The following SENP1 variants were observed in gnomAD, a reference collection of about 807,000 sequenced individuals.
SENP1 encodes the protein SUMO specific peptidase 1.
A neutral mutation model predicts 93.0 loss-of-function variants in SENP1; 21 were observed. The observed-to-expected ratio is 0.23, with a 90% CI of 0.16 to 0.33. SENP1 has a LOEUF of 0.33. SENP1 is among the 10% of genes least tolerant of loss of function. The pLI is 1.00. For missense variants in SENP1, 591 were observed against 758.7 expected (o/e 0.78, Z 2.60); for synonymous variants, 256 against 259.6 (o/e 0.99, Z 0.13).
intron 4 of SENP1, among the ~76,000 whole-genome samples, chr12:48,092,643 T>C (rs1203571187): frequency 6.6e-6 from 1 of 152,152 alleles, no homozygotes; most frequent in African/African-American, 2.4e-5. Flanking sequence ...CTATTGTTAT[T>C]CTCTAATCAT....
chr12:48,055,746 CAT>C (rs1057055611), intron 13 of SENP1, among the ~76,000 whole-genome samples: 4 of 147,142 alleles, frequency 2.7e-5, no homozygotes, highest in Admixed American at 1.4e-4. Context: ...GCTAAAATGA[CAT>C]ATTTTGTTAA....
At chr12:48,049,217 T>C (rs1941604439) in intron 13 of SENP1, 85 bp from the exon 14 acceptor site, 2 of 954,822 alleles carry the variant, frequency 2.1e-6, no homozygotes, top group Non-Finnish European at 1.6e-6. Context: ...GAATAGCATA[T>C]GTAATTGTTT....
intron 5 of SENP1, chr12:48,088,483 G>C: frequency 3.2e-6 from 1 of 309,322 alleles, no homozygotes; most frequent in South Asian, 3.9e-5. Flanking sequence ...TTTCTTTCCT[G>C]CTCAAATTGT....
chr12:48,096,243 T>C, intron 4 of SENP1, 100 bp downstream of exon 4: 1 of 633,406 alleles, frequency 1.6e-6, no homozygotes, highest in Non-Finnish European at 2.7e-6. Flanking sequence ...CATCTTGTTT[T>C]TGACAATGTT....
intron 6 of SENP1, among the ~76,000 whole-genome samples, chr12:48,081,714 C>A (rs1258599155): frequency 6.6e-6 from 1 of 151,442 alleles, no homozygotes; most frequent in Admixed American, 6.6e-5. Flanking sequence ...GGAACTACAG[C>A]CACCTGCCAC....
At chr12:48,063,434 G>A (rs559223168) in intron 13 of SENP1, among the ~76,000 whole-genome samples, 1 of 152,242 alleles carries the variant, frequency 6.6e-6, no homozygotes, top group South Asian at 2.1e-4. Flanking sequence ...TAAAGAGTGA[G>A]AATACCAATG....
At chr12:48,070,228 A>C (rs1336039704) in intron 9 of SENP1, among the ~76,000 whole-genome samples, 2 of 152,190 alleles carry the variant, frequency 1.3e-5, no homozygotes, top group African/African-American at 4.8e-5. Flanking sequence ...TTGCAAACTG[A>C]AAATAGTCCA....
intron 4 of SENP1, among the ~76,000 whole-genome samples, chr12:48,090,709 G>A (rs1473901168): frequency 6.6e-6 from 1 of 152,084 alleles, no homozygotes; most frequent in Non-Finnish European, 1.5e-5. Context: ...CAATCTCCTT[G>A]CCTCAGTCTC....
intron 2 of SENP1, among the ~76,000 whole-genome samples, chr12:48,099,328 A>G (rs935331888): frequency 2.7e-5 from 4 of 150,922 alleles, no homozygotes; most frequent in African/African-American, 4.9e-5. Flanking sequence ...ACCCTGTCTC[A>G]GAAAACAACA....
At chr12:48,071,784 T>C in intron 8 of SENP1, 63 bp from the exon 9 acceptor site, 1 of 1,124,436 alleles carries the variant, frequency 8.9e-7, no homozygotes, top group Non-Finnish European at 1.3e-6. Context: ...TTTCTAGATA[T>C]CTTAGTTTAA....
intron 13 of SENP1, among the ~76,000 whole-genome samples, chr12:48,059,552 C>A (rs1205677056): frequency 1.3e-5 from 2 of 152,000 alleles, no homozygotes; most frequent in Non-Finnish European, 2.9e-5. Context: ...TCTGCTAATT[C>A]TATTATTTTG....
intron 9 of SENP1, among the ~76,000 whole-genome samples, chr12:48,068,950 C>G (rs554979880): frequency 2.0e-5 from 3 of 151,758 alleles, no homozygotes; most frequent in Non-Finnish European, 4.4e-5. Flanking sequence ...GTCAGGAGTT[C>G]GAGACCAGCT....
At chr12:48,061,119 GATTTT>G (rs1173398352) in intron 13 of SENP1, among the ~76,000 whole-genome samples, 1 of 152,086 alleles carries the variant, frequency 6.6e-6, no homozygotes, top group East Asian at 1.9e-4. Context: ...AGGATTTCTG[GATTTT>G]ATTTTCCTTA....
intron 6 of SENP1, chr12:48,081,553 AAT>A (rs1402051961): frequency 2.0e-5 from 3 of 148,606 alleles, no homozygotes; most frequent in African/African-American, 7.5e-5. Flanking sequence ...CCTCCACTTG[AAT>A]GTTGGTGTTT....
At chr12:48,068,758 A>T (rs1256473016) in intron 9 of SENP1, among the ~76,000 whole-genome samples, 1 of 152,210 alleles carries the variant, frequency 6.6e-6, no homozygotes, top group Non-Finnish European at 1.5e-5. Flanking sequence ...AAGTATTAGT[A>T]ACAAACAAGG....
chr12:48,056,133 T>G (rs1229363134), intron 13 of SENP1, among the ~76,000 whole-genome samples: 1 of 41,266 alleles, frequency 2.4e-5, no homozygotes, highest in East Asian at 2.4e-3. Context: ...ATAGTATATA[T>G]TATTTTATAT....
intron 13 of SENP1, 71 bp from the exon 14 acceptor site, chr12:48,049,203 T>C (rs1941602952): frequency 1.5e-5 from 16 of 1,100,164 alleles, no homozygotes; most frequent in Non-Finnish European, 2.2e-5. Flanking sequence ...GCAGTTGCTG[T>C]GTTGAATAGC....
intron 13 of SENP1, among the ~76,000 whole-genome samples, chr12:48,061,472 G>T (rs7138917): frequency 1.3e-5 from 2 of 152,022 alleles, no homozygotes; most frequent in African/African-American, 4.8e-5. Context: ...CAGTGGCTCA[G>T]TCATAGCTCA....
intron 6 of SENP1, among the ~76,000 whole-genome samples, chr12:48,081,012 G>C (rs968801275): frequency 6.6e-6 from 1 of 152,154 alleles, no homozygotes; most frequent in African/African-American, 2.4e-5. Context: ...TGGCAGAGGA[G>C]GCAAAAGAAG....
Sources: gnomAD v4.1 joint callset for allele counts (sites outside exome capture counted in the v4.1 genomes callset) on GRCh38, gnomAD v4.1.1 for gene constraint, MANE v1.5 for transcripts, NCBI Gene and HGNC (gene_info 2026-07-23, HGNC 2026-07-21) for gene names.